Variants in NLGN1 observed in about 807,000 individuals in gnomAD.
NLGN1 encodes neuroligin 1.
Under a neutral mutation model 65.5 loss-of-function variants are expected in NLGN1, and 12 were observed. The observed-to-expected ratio is 0.18, with a 90% confidence interval of 0.12 to 0.30. The LOEUF is 0.30. Among genes scored for constraint, NLGN1 ranks in the 10% least tolerant of loss-of-function variants. The probability of loss-of-function intolerance (pLI) is 1.00; values close to 1 mark genes in which losing one functional copy is unlikely to be tolerated. For synonymous variants in NLGN1, 350 were observed against 359.5 expected, an observed-to-expected ratio of 0.97 and a Z score of 0.30; for missense variants, 750 against 1,007.1, an observed-to-expected ratio of 0.74 and a Z score of 3.46.
At chr3:173,550,459 C>T (rs1740649331) in intron 2 of NLGN1, among the ~76,000 whole-genome samples, 1 of 151,940 alleles carries the variant, frequency 6.6e-6, no homozygotes, top group African/African-American at 2.4e-5. Flanking sequence ...GGAAATAACC[C>T]ACATGAATTC....
intron 3 of NLGN1, among the ~76,000 whole-genome samples, chr3:173,744,831 T>TC (rs1553829489): frequency 6.8e-5 from 2 of 29,592 alleles, no homozygotes; most frequent in Non-Finnish European, 1.5e-4. Context: ...TATTTATTTA[T>TC]TTTTTTTTTG....
chr3:174,260,002 A>G (rs1364318070), intron 4 of NLGN1, among the ~76,000 whole-genome samples: 4 of 152,040 alleles, frequency 2.6e-5, no homozygotes, highest in Non-Finnish European at 5.9e-5. Context: ...TGTCCCTACA[A>G]AGGACAAGAA....
At chr3:173,785,993 T>G (rs974513158) in intron 3 of NLGN1, among the ~76,000 whole-genome samples, 1 of 152,044 alleles carries the variant, frequency 6.6e-6, no homozygotes, top group Admixed American at 6.6e-5. Flanking sequence ...AGAAAAAGGG[T>G]CTGGACTTCA....
intron 4 of NLGN1, among the ~76,000 whole-genome samples, chr3:174,106,113 A>C (rs1023755053): frequency 1.3e-5 from 2 of 152,206 alleles, no homozygotes; most frequent in Admixed American, 6.5e-5. Flanking sequence ...AGTTCAAAAA[A>C]GTTAAATCAT....
chr3:173,945,837 C>T (rs1747040882), intron 4 of NLGN1, among the ~76,000 whole-genome samples: 1 of 152,182 alleles, frequency 6.6e-6, no homozygotes, highest in African/African-American at 2.4e-5. Flanking sequence ...CAATCTTCCA[C>T]TCTATATGTT....
intron 4 of NLGN1, among the ~76,000 whole-genome samples, chr3:174,230,804 T>TA (rs1454438143): frequency 6.6e-6 from 1 of 152,150 alleles, no homozygotes; most frequent in Non-Finnish European, 1.5e-5. Context: ...AGAAATAAAT[T>TA]AAAAAATTAT....
chr3:174,062,058 A>G (rs527620640), intron 4 of NLGN1, among the ~76,000 whole-genome samples: 11 of 152,108 alleles, frequency 7.2e-5, no homozygotes, highest in Non-Finnish European at 1.3e-4. Context: ...TTGGGGGGGA[A>G]GAAACTGTAA....
chr3:174,033,762 G>A (rs1378100151), intron 4 of NLGN1, among the ~76,000 whole-genome samples: 1 of 151,954 alleles, frequency 6.6e-6, no homozygotes, highest in Non-Finnish European at 1.5e-5. Flanking sequence ...AAACTGAAAT[G>A]CAAAGAGAAT....
At chr3:174,089,981 T>G (rs1467159365) in intron 4 of NLGN1, among the ~76,000 whole-genome samples, 1 of 152,126 alleles carries the variant, frequency 6.6e-6, no homozygotes, top group East Asian at 1.9e-4. Flanking sequence ...TATCAGTTTA[T>G]TTTAACTCAT....
intron 4 of NLGN1, among the ~76,000 whole-genome samples, chr3:174,032,871 GTTTTCTAACCCCAACAGGGGTCAGAGA>G (rs1045105209): frequency 6.6e-6 from 1 of 151,990 alleles, no homozygotes; most frequent in African/African-American, 2.4e-5. Context: ...TAGCCTTCCC[GTTTTCTAACCCCAACAGGGGTCAGAGA>G]TTCAAGGAAA....
At chr3:174,014,818 A>G (rs745330691) in intron 4 of NLGN1, among the ~76,000 whole-genome samples, 1 of 152,174 alleles carries the variant, frequency 6.6e-6, no homozygotes, top group Non-Finnish European at 1.5e-5. Context: ...GCTTGTTATG[A>G]GAATCAAGCG....
At chr3:174,277,569 C>CAGCT (rs1468600687) in intron 5 of NLGN1, among the ~76,000 whole-genome samples, 1 of 151,800 alleles carries the variant, frequency 6.6e-6, no homozygotes, top group African/African-American at 2.4e-5. Context: ...TGTTGATAAA[C>CAGCT]AGCTACATAA....
rs117459605 is a variant in NLGN1 at position 173,713,422 on chromosome 3, A to C, written c.494-94258A>C. ...TATCTTTGGGAGCAAAGTGCTGATGAGTTAGTGTGATGTAAGAATAGAAGA... is the reference window on the plus strand; with the variant it reads ...TATCTTTGGGAGCAAAGTGCTGATGCGTTAGTGTGATGTAAGAATAGAAGA... On this transcript the variant is annotated intron_variant, in intron 3 of 6. Coordinates refer to ENST00000457714, the Ensembl canonical transcript of NLGN1. 7.0e-4 allele frequency among the ~76,000 whole-genome samples: 107 copies of C among 152,124 alleles called. No homozygotes were observed. In the East Asian group the frequency reaches 0.019, roughly 28 times the overall value.
chr3:173,779,244 A>G (rs1428932774), intron 3 of NLGN1, among the ~76,000 whole-genome samples: 2 of 151,880 alleles, frequency 1.3e-5, no homozygotes, highest in Non-Finnish European at 2.9e-5. Context: ...AGGAAATAAT[A>G]TTTGATTTTT....
At chr3:173,794,057 T>A (rs1351961564) in intron 3 of NLGN1, among the ~76,000 whole-genome samples, 1 of 152,008 alleles carries the variant, frequency 6.6e-6, no homozygotes, top group Non-Finnish European at 1.5e-5. Context: ...TTGGGGCCTT[T>A]CTATGTGCTA....
chr3:173,774,097 G>GT (rs1194231896), intron 3 of NLGN1, among the ~76,000 whole-genome samples: 5 of 152,174 alleles, frequency 3.3e-5, no homozygotes, highest in African/African-American at 1.2e-4. Flanking sequence ...AGTGGAGTCT[G>GT]TTTTTTTATT....
At chr3:173,844,933 G>A (rs188319441) in intron 4 of NLGN1, among the ~76,000 whole-genome samples, 99 of 152,316 alleles carry the variant, frequency 6.5e-4, no homozygotes, top group South Asian at 1.2e-3. Flanking sequence ...ACATGTGAAT[G>A]AAGACATTAT....
In NLGN1 at chr3:173,783,923, G is replaced by A. The variant is rs999996564; in HGVS notation, c.494-23757G>A. On this transcript the variant is annotated intron_variant, in intron 3 of 6. Transcript: ENST00000457714. ...TTACAATGTTTTTTTGAAGAGATCT[G>A]TTTTATAATATTCTGGTAATGTTTC... 3.3e-5 allele frequency among the ~76,000 whole-genome samples: 5 copies of A among 152,066 alleles called. No homozygotes were observed. The South Asian group carries it at 1.0e-3, about 32-fold the overall frequency.
chr3:174,062,729 A>C (rs955840373), intron 4 of NLGN1, among the ~76,000 whole-genome samples: 2 of 152,022 alleles, frequency 1.3e-5, no homozygotes, highest in African/African-American at 4.8e-5. Flanking sequence ...TGAAATTGCT[A>C]TCTTTGTGAT....
Sources: gnomAD v4.1 joint callset for allele counts (sites outside exome capture counted in the v4.1 genomes callset) on GRCh38, gnomAD v4.1.1 for gene constraint, MANE v1.5 for transcripts, NCBI Gene and HGNC (gene_info 2026-07-23, HGNC 2026-07-21) for gene names.